Variants in SPATA1 observed in about 807,000 individuals in gnomAD.
SPATA1 encodes spermatogenesis associated 1.
In SPATA1, 57 loss-of-function variants were observed where a neutral mutation model predicts 59.6. That is an observed-to-expected ratio of 0.96 (90% CI 0.77 to 1.19). The LOEUF is 1.19. Ranked by LOEUF, SPATA1 falls within the 50% of genes most tolerant of loss-of-function variation. The pLI is 0.00. For missense variants in SPATA1, 448 were observed against 480.7 expected, an observed-to-expected ratio of 0.93 and a Z score of 0.64; for synonymous variants, 147 against 163.9, an observed-to-expected ratio of 0.90 and a Z score of 0.79.
chr1:84,517,173 C>T (rs1177484056), intron 2 of SPATA1, among the ~76,000 whole-genome samples: 1 of 152,176 alleles, frequency 6.6e-6, no homozygotes, highest in Non-Finnish European at 1.5e-5. Context: ...TCTTCCTTGA[C>T]ATAGGCTTCG....
At chr1:84,511,915 CAG>C (rs1307727800) in intron 1 of SPATA1, among the ~76,000 whole-genome samples, 6 of 152,098 alleles carry the variant, frequency 3.9e-5, no homozygotes, top group Admixed American at 1.3e-4. Flanking sequence ...CTCCCGACCT[CAG>C]GGGATCCACC....
intron 4 of SPATA1, among the ~76,000 whole-genome samples, chr1:84,565,475 T>C (rs1684682978): frequency 6.6e-6 from 1 of 152,156 alleles, no homozygotes; most frequent in African/African-American, 2.4e-5. Flanking sequence ...AACAAAAATA[T>C]CCTGTCAAAT....
intron 4 of SPATA1, among the ~76,000 whole-genome samples, chr1:84,525,470 A>C (rs1683177467): frequency 6.6e-6 from 1 of 152,238 alleles, no homozygotes; most frequent in Non-Finnish European, 1.5e-5. Context: ...AGTCCATTTA[A>C]GTGATAGGCA....
exon 13 of SPATA1, chr1:84,553,759 T>C (rs1387722869): frequency 6.6e-6 from 1 of 152,198 alleles, no homozygotes; most frequent in Non-Finnish European, 1.5e-5. Context: ...TCAATCATCA[T>C]GTATTCCAAT....
intron 8 of SPATA1, among the ~76,000 whole-genome samples, chr1:84,542,821 A>G (rs1189965361): frequency 6.6e-6 from 1 of 152,148 alleles, no homozygotes; most frequent in Non-Finnish European, 1.5e-5. Context: ...ACTCAACTTT[A>G]TAACATAACA....
intron 10 of SPATA1, among the ~76,000 whole-genome samples, chr1:84,546,161 A>G (rs1477261206): frequency 6.6e-6 from 1 of 152,188 alleles, no homozygotes; most frequent in Non-Finnish European, 1.5e-5. Flanking sequence ...TTAAGCATCA[A>G]TGATACATCC....
intron 12 of SPATA1, chr1:84,551,182 C>A (rs1684260114): frequency 1.0e-6 from 1 of 985,044 alleles, no homozygotes. Flanking sequence ...GAAGATTATA[C>A]ATTTTCATAC....
chr1:84,557,487 C>A (rs546266728), downstream of SPATA1, among the ~76,000 whole-genome samples: 91 of 133,166 alleles, frequency 6.8e-4, no homozygotes, highest in Non-Finnish European at 1.1e-3. Flanking sequence ...CAGCCGAGAT[C>A]GTGCCACTGC....
At chr1:84,563,932 T>A in intron 4 of SPATA1, 1 of 1,333,106 alleles carries the variant, frequency 7.5e-7, no homozygotes, top group Non-Finnish European at 9.8e-7. Flanking sequence ...TAAAAACAAG[T>A]ACATTTATAA....
At chr1:84,545,293 G>A (rs555440210) in intron 9 of SPATA1, among the ~76,000 whole-genome samples, 4 of 150,006 alleles carry the variant, frequency 2.7e-5, no homozygotes, top group East Asian at 3.9e-4. Flanking sequence ...TTCTATGTAC[G>A]ATTTAAGTAC....
At chr1:84,526,136 C>T (rs1429684375) in intron 6 of SPATA1, 63 bp downstream of exon 6, 2 of 1,402,264 alleles carry the variant, frequency 1.4e-6, no homozygotes, top group East Asian at 2.5e-5. Context: ...GCAGTCAAGT[C>T]TGTAAGCAAA....
intron 6 of SPATA1, among the ~76,000 whole-genome samples, chr1:84,531,442 C>T (rs1249154156): frequency 6.6e-6 from 1 of 152,058 alleles, no homozygotes; most frequent in Non-Finnish European, 1.5e-5. Context: ...GGATTACAGA[C>T]ATGAGCCGCC....
intron 3 of SPATA1, 88 bp downstream of exon 3, chr1:84,520,779 A>C: frequency 1.1e-6 from 1 of 876,418 alleles, no homozygotes; most frequent in Non-Finnish European, 1.7e-6. Context: ...TTTAAAAACT[A>C]TAAGTGAAAA....
chr1:84,521,902 A>G (rs1464861304), intron 3 of SPATA1, among the ~76,000 whole-genome samples: 1 of 152,200 alleles, frequency 6.6e-6, no homozygotes, highest in Non-Finnish European at 1.5e-5. Context: ...AGCGTAAGTG[A>G]TGGCTTTAAA....
At chr1:84,557,813 G>A (rs1352792574), downstream of SPATA1, among the ~76,000 whole-genome samples, 2 of 150,522 alleles carry the variant, frequency 1.3e-5, no homozygotes, top group African/African-American at 2.5e-5. Context: ...AGCCAAGATC[G>A]CGCCACTGCA....
At chr1:84,525,109 TG>T (rs1683163679) in intron 4 of SPATA1, among the ~76,000 whole-genome samples, 1 of 152,100 alleles carries the variant, frequency 6.6e-6, no homozygotes. Context: ...CCCGAGTAGC[TG>T]GGGGAGCCAC....
chr1:84,508,130 T>G (rs553512106), intron 1 of SPATA1, among the ~76,000 whole-genome samples: 6 of 152,086 alleles, frequency 3.9e-5, no homozygotes, highest in Non-Finnish European at 8.8e-5. Context: ...AATACAAAAA[T>G]TAGCTGGGCG....
At chr1:84,547,420 G>C (rs1054055947) in intron 10 of SPATA1, among the ~76,000 whole-genome samples, 1 of 152,124 alleles carries the variant, frequency 6.6e-6, no homozygotes, top group Admixed American at 6.5e-5. Flanking sequence ...TAAATGCTGG[G>C]GATACAGCAG....
chr1:84,521,550 T>C (rs1170348183), intron 3 of SPATA1, among the ~76,000 whole-genome samples: 1 of 152,194 alleles, frequency 6.6e-6, no homozygotes, highest in Non-Finnish European at 1.5e-5. Context: ...CCTTCAGGTC[T>C]TTACTCACAT....
Sources: allele counts gnomAD v4.1 joint callset (sites outside exome capture counted in the v4.1 genomes callset), GRCh38; gene constraint gnomAD v4.1.1; transcripts MANE v1.5; gene names NCBI Gene and HGNC (gene_info 2026-07-23, HGNC 2026-07-21).